The following FST variants were observed in gnomAD, a reference collection of about 807,000 sequenced individuals.
The protein encoded by FST is follistatin.
In FST, 6 loss-of-function variants were observed where a neutral mutation model predicts 38.4. The ratio of observed to expected loss-of-function variants is 0.16; its 90% CI spans 0.09 to 0.31. The LOEUF is 0.31. Ranked by LOEUF, FST falls within the 10% of genes least tolerant of loss-of-function variation. FST has a pLI of 1.00. For synonymous variants in FST, 157 were observed against 169.8 expected (o/e 0.92, Z 0.59); for missense variants, 301 against 432.3 (o/e 0.70, Z 2.69).
chr5:53,480,851 G>C lies in FST; in HGVS notation c.60G>C (p.Gln20His). 1 of 1,534,242 alleles carries C rather than the reference G, an allele frequency of 6.5e-7. No homozygotes were observed. Among genetic ancestry groups the C allele is most frequent in the African/African-American group, 1.4e-5 (1 of 72,138 alleles). ...GCCTCCTGCTGCTGCTGCTCTGCCAGTTCATGGAGGACCGCAGTGCCCAGG... is the reference window on the plus strand; with the variant it reads ...GCCTCCTGCTGCTGCTGCTCTGCCACTTCATGGAGGACCGCAGTGCCCAGG... ...GLCLLLLLLC[Q>H]FMEDRSAQAG... Residue 20 changes from glutamine (Q) to histidine (H), a missense_variant, in exon 1 of 6, where the codon CAG becomes CAC. Coordinates refer to ENST00000256759, the MANE Select transcript of FST (RefSeq NM_013409.3).
Position 53,485,238 on chromosome 5 carries a change from T to G in FST, c.952+11T>G. On this transcript the variant is annotated intron_variant, in intron 5 of 5. Transcript: ENST00000256759. ...CCGGATCTTGCAACTGTAAGTGCGA[T>G]TTTTAACCTTGCTGCCATTTAAGGC... 1 of 1,439,376 alleles carries G rather than the reference T, an allele frequency of 6.9e-7. No homozygotes were observed. The highest frequency in any genetic ancestry group is 9.8e-7 in the Non-Finnish European group (1 of 1,022,816). The allele number at this position is 1,439,376 out of a possible 1,614,324, so 89.2% of individuals were successfully genotyped here.
intron 4 of FST, 25 bp from the exon 5 acceptor site, chr5:53,484,972 T>C: frequency 9.1e-7 from 1 of 1,104,118 alleles, no homozygotes; most frequent in Non-Finnish European, 1.4e-6. Context: ...ATCAGTTTAC[T>C]CATCACAGAT....
Position 53,483,673 on chromosome 5 carries a change from A to G in FST, c.447A>G (p.Arg149=). ...ATGAATGTGCACTCCTAAAGGCAAG[A>G]TGTAAAGAGCAGCCAGAACTGGAAG... is the stretch of plus-strand genomic sequence containing the variant. The part of the protein sequence containing the change: ...YRNECALLKA[R]CKEQPELEVQ... The change falls in exon 3 of 6, where the codon AGA becomes AGG. Residue 149 remains arginine (R), a synonymous_variant. Coordinates refer to ENST00000256759, the MANE Select transcript of FST (RefSeq NM_013409.3). This position sits in a 1 kb window ranked among gnomAD's most constrained non-coding sequence, Gnocchi z 4.1. The G allele has an allele frequency of 6.2e-7, 1 of 1,614,172 alleles. No homozygotes were observed. The highest frequency in any genetic ancestry group is 8.5e-7 in the Non-Finnish European group (1 of 1,180,022).
chr5:53,485,556 T>G (rs1747497524), intron 5 of FST: 1 of 731,372 alleles, frequency 1.4e-6, no homozygotes, highest in African/African-American at 1.8e-5. Context: ...GTTTTTTTTT[T>G]TTTTTTCCAA....
At position 53,486,981 on chromosome 5, in the gene FST, T is replaced by G. The variant is rs981098650; in HGVS notation, c.*948T>G. On this transcript the variant is annotated 3_prime_UTR_variant, in exon 6 of 6. Transcript: ENST00000256759. ...ATAATACTTTTTTCTGATGCAATTTTATATTTTCAAACATGGCAAGTTAAA... is the reference window on the plus strand; with the variant it reads ...ATAATACTTTTTTCTGATGCAATTTGATATTTTCAAACATGGCAAGTTAAA... 2 of 152,232 alleles carry G rather than the reference T, an allele frequency of 1.3e-5. No homozygotes were observed. The highest frequency in any genetic ancestry group is 2.9e-5 in the Non-Finnish European group (2 of 68,034). The allele number at this position is 152,232 out of a possible 1,614,324, so 9.4% of individuals were successfully genotyped here. A position where few individuals can be genotyped will look rare whatever the true frequency, so the allele number is the denominator to read the frequency against.
At chr5:53,482,708 C>A in intron 1 of FST, 172 bp from the exon 2 acceptor site, 1 of 573,620 alleles carries the variant, frequency 1.7e-6, no homozygotes, top group Non-Finnish European at 3.2e-6. Flanking sequence ...TCCACCCCTC[C>A]ACCCCTTTCG....
chr5:53,485,971 G>A lies in FST; in HGVS notation c.973G>A (p.Glu325Lys). ...TCTAGCCATTTCGGAAGACACCGAG[G>A]AAGAGGAGGAAGATGAAGACCAGGA... ...SCNSISEDTE[E>K]EEEDEDQDYS... The change falls in exon 6 of 6, where the codon GAA (glutamate) becomes AAA (lysine). Residue 325 changes from glutamate to lysine, a missense_variant. By Grantham distance (56) the Glu-to-Lys change is moderately conservative. Coordinates refer to ENST00000256759, the MANE Select transcript of FST (RefSeq NM_013409.3). 1 of 1,602,434 alleles carries A rather than the reference G, an allele frequency of 6.2e-7. No homozygotes were observed. The highest frequency in any genetic ancestry group is 8.5e-7 in the Non-Finnish European group (1 of 1,176,556).
Position 53,487,134 on chromosome 5 carries a change from A to G in FST, c.*1101A>G, listed in dbSNP as rs929068254. On this transcript the variant is annotated 3_prime_UTR_variant, in exon 6 of 6. Coordinates refer to ENST00000256759, the MANE Select transcript of FST (RefSeq NM_013409.3). The stretch of plus-strand genomic sequence containing the variant: ...AAAATAAAAAAATTTTAAAAAGCCA[A>G]TGGTTTCAATTCCTGATGATGCAAA... 3 of 152,252 alleles carry G rather than the reference A, an allele frequency of 2.0e-5. No individual in the cohort carries two copies. Among genetic ancestry groups the G allele is most frequent in the Admixed American group, 6.5e-5 (1 of 15,280 alleles). 9.4% of individuals were successfully genotyped at this position (152,252 alleles called of 1,614,324 possible).
intron 4 of FST, 110 bp from the exon 5 acceptor site, chr5:53,484,887 G>C (rs1198161969): frequency 3.2e-6 from 2 of 625,028 alleles, no homozygotes; most frequent in Non-Finnish European, 2.9e-6. Flanking sequence ...TTACTATTAT[G>C]TTTATATAAA....
chr5:53,482,290 TTTTC>T (rs760468863), intron 1 of FST, among the ~76,000 whole-genome samples: 46 of 151,940 alleles, frequency 3.0e-4, no homozygotes, highest in Middle Eastern at 3.4e-3. Flanking sequence ...TTTCTCTTTC[TTTTC>T]TTTCTTTCTC....
chr5:53,485,345 C>A, intron 5 of FST, 118 bp downstream of exon 5: 1 of 650,926 alleles, frequency 1.5e-6, no homozygotes, highest in Non-Finnish European at 2.7e-6. Flanking sequence ...AATTAGGTAG[C>A]TGCTAAGTAT....
At position 53,483,214 on chromosome 5, in the gene FST, CAG is replaced by C. The variant is rs1747348388; in HGVS notation, c.277+145_277+146del. ...CTGTCCCTTGCCCTGGTAAGCCGTGCAGACTCTAATTCTGCCTGTTACAGGCT... is the reference window on the plus strand; with the variant it reads ...CTGTCCCTTGCCCTGGTAAGCCGTGCACTCTAATTCTGCCTGTTACAGGCT... On this transcript the variant is annotated intron_variant, in intron 2 of 5. Transcript: ENST00000256759. This position sits in a 1 kb window ranked among gnomAD's most constrained non-coding sequence, Gnocchi z 4.1. 1.5e-6 allele frequency: 1 copy of C among 654,324 alleles called. No homozygotes were observed. The highest frequency in any genetic ancestry group is 1.8e-5 in the African/African-American group (1 of 55,116). The allele number at this position is 654,324 out of a possible 1,614,324, so 40.5% of individuals were successfully genotyped here.
At chr5:53,485,850 A>C in intron 5 of FST, 101 bp from the exon 6 acceptor site, 1 of 1,598,578 alleles carries the variant, frequency 6.3e-7, no homozygotes, top group Non-Finnish European at 8.5e-7. Flanking sequence ...GCAACGCTGT[A>C]ATATGGCTGT....
At position 53,485,157 on chromosome 5, in the gene FST, G is replaced by A. The variant is rs559162657; in HGVS notation, c.882G>A (p.Glu294=). ...GTGACAATGCCACTTATGCCAGCGA[G>A]TGTGCCATGAAGGAAGCTGCCTGCT... ...CASDNATYAS[E]CAMKEAACSS... Residue 294 remains glutamate (E), a synonymous_variant, in exon 5 of 6, where the codon GAG becomes GAA. Coordinates refer to ENST00000256759, the MANE Select transcript of FST (RefSeq NM_013409.3). 7 of 1,613,746 alleles carry A rather than the reference G, an allele frequency of 4.3e-6. No homozygotes were observed. In the African/African-American group the frequency reaches 8.0e-5, roughly 18 times the overall value.
intron 5 of FST, 77 bp downstream of exon 5, chr5:53,485,304 C>G: frequency 1.3e-6 from 1 of 764,644 alleles, no homozygotes; most frequent in East Asian, 2.5e-5. Flanking sequence ...TTACAAAGCA[C>G]GCAGATCTCC....
intron 1 of FST, among the ~76,000 whole-genome samples, chr5:53,482,088 C>T (rs144431908): frequency 5.3e-5 from 8 of 152,326 alleles, no homozygotes; most frequent in African/African-American, 1.9e-4. Context: ...CGGGCGTGCT[C>T]CGGTCTGGCG....
rs1394873231 is a variant in FST, at chr5:53,486,084, AAAAAAAAAAG to A, written c.*57_*66del. 3.1e-6 allele frequency: 3 copies of A among 952,516 alleles called. No individual in the cohort carries two copies. Among genetic ancestry groups the A allele is most frequent in the Non-Finnish European group, 4.8e-6 (3 of 631,014 alleles). The allele number at this position is 952,516 out of a possible 1,614,324, so 59.0% of individuals were successfully genotyped here. A position where few individuals can be genotyped will look rare whatever the true frequency, so the allele number is the denominator to read the frequency against. Reference sequence around the variant, plus strand: ...CATAGCCTTTGTGCAAAAAAAAAAAAAAAAAAAAAGAAAAAGAAAAAAAGAAAAATATATT... The same window carrying A: ...CATAGCCTTTGTGCAAAAAAAAAAAAAAAAAGAAAAAAAGAAAAATATATT... On this transcript the variant is annotated 3_prime_UTR_variant, in exon 6 of 6. Coordinates refer to ENST00000256759, the MANE Select transcript of FST (RefSeq NM_013409.3).
At chr5:53,484,343 T>G in intron 4 of FST, 50 bp downstream of exon 4, 1 of 1,571,146 alleles carries the variant, frequency 6.4e-7, no homozygotes, top group Non-Finnish European at 8.7e-7. Context: ...GCTAGTTCTA[T>G]TATTAAACTG....
intron 5 of FST, chr5:53,485,684 C>G: frequency 6.3e-7 from 1 of 1,594,376 alleles, no homozygotes. Flanking sequence ...TATCTAATTT[C>G]AGGAATCTGC....
Sources: gnomAD v4.1 joint callset for allele counts (sites outside exome capture counted in the v4.1 genomes callset) on GRCh38, gnomAD v4.1.1 for gene constraint, Gnocchi (gnomAD v3.1) non-coding constraint, MANE v1.5 for transcripts, NCBI Gene and HGNC (gene_info 2026-07-23, HGNC 2026-07-21) for gene names.